Variants in FNDC3B observed in about 807,000 individuals in gnomAD.
The protein encoded by FNDC3B is fibronectin type III domain containing 3B.
A neutral mutation model predicts 151.5 loss-of-function variants in FNDC3B; 12 were observed. The observed-to-expected ratio is 0.08, with a 90% CI of 0.05 to 0.13. The LOEUF (loss-of-function observed/expected upper bound fraction) is 0.13, where lower values mean the gene tolerates loss of function less well. Ranked by LOEUF, FNDC3B falls within the 10% of genes least tolerant of loss-of-function variation. The pLI is 1.00. For synonymous variants in FNDC3B, 528 were observed against 549.0 expected (o/e 0.96, Z 0.54); for missense variants, 1,214 against 1,505.3 (o/e 0.81, Z 3.20).
chr3:172,096,830 G>C (rs1232127518), intron 1 of FNDC3B, among the ~76,000 whole-genome samples: 1 of 152,150 alleles, frequency 6.6e-6, no homozygotes, highest in Non-Finnish European at 1.5e-5. Flanking sequence ...ATAACGCATA[G>C]GAATGTGGGA....
At chr3:172,266,962 T>C (rs765958449) in intron 6 of FNDC3B, among the ~76,000 whole-genome samples, 4 of 152,208 alleles carry the variant, frequency 2.6e-5, no homozygotes, top group African/African-American at 9.7e-5. Flanking sequence ...CTAGGTCTGA[T>C]TGATACACCC....
chr3:172,392,952 G>A (rs9821189), intron 25 of FNDC3B, among the ~76,000 whole-genome samples: 23,214 of 151,466 alleles, frequency 0.15, 2,641 homozygotes, highest in East Asian at 0.6. Context: ...ACAGGCATAT[G>A]CCACCCTACC....
intron 1 of FNDC3B, among the ~76,000 whole-genome samples, chr3:172,048,332 T>G (rs1236533554): frequency 6.6e-6 from 1 of 152,198 alleles, no homozygotes; most frequent in African/African-American, 2.4e-5. Flanking sequence ...AGTCATTCAA[T>G]GGGAAAGAAA....
chr3:172,062,005 A>AAAAC (rs1717224732), intron 1 of FNDC3B, among the ~76,000 whole-genome samples: 1 of 152,210 alleles, frequency 6.6e-6, no homozygotes, highest in Non-Finnish European at 1.5e-5. Flanking sequence ...CTTTCTGTTT[A>AAAAC]GGGATACTAA....
At chr3:172,149,929 G>T (rs6780960) in intron 3 of FNDC3B, among the ~76,000 whole-genome samples, 3 of 150,930 alleles carry the variant, frequency 2.0e-5, no homozygotes, top group African/African-American at 4.9e-5. Flanking sequence ...AGCGATTCTC[G>T]AGCCTCAGCC....
intron 21 of FNDC3B, among the ~76,000 whole-genome samples, chr3:172,351,571 C>CA (rs375074065): frequency 1.1e-3 from 174 of 152,234 alleles, no homozygotes; most frequent in African/African-American, 4.2e-3. Flanking sequence ...GAATTTGAAC[C>CA]AAAAATCTCG....
chr3:172,064,209 C>T (rs1243922131), intron 1 of FNDC3B, among the ~76,000 whole-genome samples: 1 of 152,136 alleles, frequency 6.6e-6, no homozygotes, highest in Non-Finnish European at 1.5e-5. Context: ...TGTGAGGACA[C>T]AGCAAGAAGG....
intron 7 of FNDC3B, among the ~76,000 whole-genome samples, chr3:172,289,321 C>T (rs1257319763): frequency 1.3e-5 from 2 of 152,118 alleles, no homozygotes; most frequent in Non-Finnish European, 2.9e-5. Context: ...ATAAGGACCC[C>T]CGTGATTTTA....
At chr3:172,322,256 C>T (rs968681031) in intron 11 of FNDC3B, among the ~76,000 whole-genome samples, 28 of 152,332 alleles carry the variant, frequency 1.8e-4, no homozygotes, top group African/African-American at 6.7e-4. Flanking sequence ...CATCAGTGCT[C>T]ACTTTGGACT....
At chr3:172,082,221 G>T (rs553608136) in intron 1 of FNDC3B, among the ~76,000 whole-genome samples, 1 of 152,286 alleles carries the variant, frequency 6.6e-6, no homozygotes, top group African/African-American at 2.4e-5. Flanking sequence ...TAATGTGGAG[G>T]TCTGACCAAT....
rs1207252618 is a variant in FNDC3B at position 172,189,807 on chromosome 3, A to T, written c.188-37064A>T. ...CAGAGTGAGACCTTGTCTAAAAAAA[A>T]AAAAAAAAAAAAAAAAAAAAAAAAA... On this transcript the variant is annotated intron_variant, in intron 3 of 25. Coordinates refer to ENST00000415807, the MANE Select transcript of FNDC3B (RefSeq NM_022763.4). 4.3e-4 allele frequency among the ~76,000 whole-genome samples: 7 copies of T among 16,144 alleles called. 1 individual carries two copies. Among genetic ancestry groups the T allele is most frequent in the African/African-American group, 2.8e-3 (7 of 2,468 alleles). 10.6% of individuals were successfully genotyped at this position (16,144 alleles called of 152,430 possible).
chr3:172,350,924 T>C (rs796438778), intron 21 of FNDC3B, among the ~76,000 whole-genome samples: 6 of 152,368 alleles, frequency 3.9e-5, no homozygotes, highest in African/African-American at 9.6e-5. Flanking sequence ...ATAAGCTAAA[T>C]GAAAACTAAG....
At chr3:172,384,927 A>T (rs909296690) in intron 25 of FNDC3B, among the ~76,000 whole-genome samples, 3 of 152,264 alleles carry the variant, frequency 2.0e-5, no homozygotes, top group Non-Finnish European at 4.4e-5. Flanking sequence ...AGGTGAAAAC[A>T]CACAGTACTG....
intron 11 of FNDC3B, among the ~76,000 whole-genome samples, chr3:172,327,323 A>G (rs1732406615): frequency 1.3e-5 from 2 of 152,106 alleles, no homozygotes; most frequent in South Asian, 4.1e-4. Context: ...TTCCATTGGG[A>G]AAGGTGCTTC....
At chr3:172,368,474 A>G (rs562272698) in intron 23 of FNDC3B, among the ~76,000 whole-genome samples, 1 of 152,170 alleles carries the variant, frequency 6.6e-6, no homozygotes, top group Non-Finnish European at 1.5e-5. Context: ...TTCTCTGACT[A>G]GTCCCCGATC....
At chr3:172,097,797 A>G (rs1719165244) in intron 1 of FNDC3B, among the ~76,000 whole-genome samples, 1 of 152,222 alleles carries the variant, frequency 6.6e-6, no homozygotes, top group Admixed American at 6.5e-5. Flanking sequence ...TGACACTAGT[A>G]AATGGTATTA....
chr3:172,182,447 A>G (rs749073432), intron 3 of FNDC3B, among the ~76,000 whole-genome samples: 1 of 152,200 alleles, frequency 6.6e-6, no homozygotes, highest in Non-Finnish European at 1.5e-5. Flanking sequence ...CCTGATGTGT[A>G]AGAACTGATG....
rs139746767 is a variant in FNDC3B, at chr3:172,346,363, G to A, written c.2287G>A (p.Ala763Thr). ...PYSDVSEITT[A>T]AGPPGQCKAP... ...TTCTGATGTCTCAGAAATTACCACT[G>A]CTGCAGGGCCTCCTGGACAATGCAA... The change falls in exon 20 of 26, where the codon GCT (alanine) becomes ACT (threonine). Residue 763 changes from alanine (A) to threonine (T), a missense_variant. By Grantham distance (58) the Ala-to-Thr change is moderately conservative (BLOSUM62 0). Coordinates refer to ENST00000415807, the MANE Select transcript of FNDC3B (RefSeq NM_022763.4). 1.5e-5 allele frequency: 25 copies of A among 1,613,280 alleles called. No homozygotes were observed. The highest frequency in any genetic ancestry group is 2.0e-5 in the Non-Finnish European group (24 of 1,179,542).
chr3:172,189,191 G>C (rs1724371267), intron 3 of FNDC3B, among the ~76,000 whole-genome samples: 1 of 152,050 alleles, frequency 6.6e-6, no homozygotes, highest in Non-Finnish European at 1.5e-5. Context: ...AATGTAAGTT[G>C]CTTTCTACTA....
Sources: gnomAD v4.1 joint callset for allele counts (sites outside exome capture counted in the v4.1 genomes callset) on GRCh38, gnomAD v4.1.1 for gene constraint, MANE v1.5 for transcripts, NCBI Gene and HGNC (gene_info 2026-07-23, HGNC 2026-07-21) for gene names.